STK32A: variants seen among roughly 807,000 people sequenced by gnomAD.
STK32A encodes serine/threonine-protein kinase 32A.
Under a neutral mutation model 53.2 loss-of-function variants are expected in STK32A, and 41 were observed. The observed-to-expected ratio is 0.77, with a 90% CI of 0.60 to 1.00. STK32A has a LOEUF of 1.00. Among genes scored for constraint, STK32A ranks in the 50% least tolerant of loss-of-function variants. STK32A has a pLI of 0.00. For synonymous variants in STK32A, 166 were observed against 162.8 expected (o/e 1.02, Z -0.15); for missense variants, 458 against 485.8 (o/e 0.94, Z 0.54).
intron 11 of STK32A, among the ~76,000 whole-genome samples, chr5:147,380,752 T>C (rs1446645481): frequency 1.3e-5 from 2 of 152,232 alleles, no homozygotes; most frequent in Non-Finnish European, 2.9e-5. Context: ...AAGAGAAAGA[T>C]ACTTAATCAA....
At chr5:147,334,999 G>T (rs73797655) in intron 5 of STK32A, among the ~76,000 whole-genome samples, 2,144 of 152,240 alleles carry the variant, frequency 0.014, 42 homozygotes, top group African/African-American at 0.049. Flanking sequence ...TTGATTCATA[G>T]AGTAAGAGAT....
At chr5:147,395,731 G>C in the STK32A span, 1 of 1,613,428 alleles carries the variant, frequency 6.2e-7, no homozygotes, top group Non-Finnish European at 8.5e-7. Context: ...TCTGCAGCCA[G>C]AGAAGAGCAT....
In STK32A at chr5:147,266,046, C is replaced by T. The variant is rs75465796; in HGVS notation, c.53-12078C>T. On this transcript the variant is annotated intron_variant, in intron 2 of 12. Transcript: ENST00000397936. ...TCTATCTCTATTCTGACCAGGTATA[C>T]GGTAGACTGTAATTTAATGTCAGCA... Among the ~76,000 whole-genome samples the T allele has an allele frequency of 5.4e-4, 82 of 152,248 alleles. 1 individual carries two copies. In the East Asian group the frequency reaches 0.015, roughly 28 times the overall value.
intron 4 of STK32A, among the ~76,000 whole-genome samples, chr5:147,284,985 G>A (rs1288139453): frequency 1.3e-5 from 2 of 152,090 alleles, no homozygotes; most frequent in Middle Eastern, 3.4e-3. Context: ...AAAAGAACCT[G>A]CATAGCCAAA....
At chr5:147,377,014 G>A (rs1405905433) in intron 11 of STK32A, among the ~76,000 whole-genome samples, 1 of 152,056 alleles carries the variant, frequency 6.6e-6, no homozygotes, top group Non-Finnish European at 1.5e-5. Flanking sequence ...TAACATATTA[G>A]CAAGGTGTTC....
At position 147,239,643 on chromosome 5, in the gene STK32A, G is replaced by A. The variant is rs4705132; in HGVS notation, c.9G>A (p.Ala3=). 50 of 1,606,256 alleles carry A rather than the reference G, an allele frequency of 3.1e-5. No homozygotes were observed. The highest frequency in any genetic ancestry group is 2.5e-4 in the Admixed American group (15 of 59,234). The change falls in exon 2 of 13, where the codon GCG becomes GCA. Residue 3 remains alanine, a synonymous_variant. Coordinates refer to ENST00000397936, the MANE Select transcript of STK32A (RefSeq NM_001112724.2). MG[A]NTSRKPPVFD... is the part of the protein sequence containing the mutation. Reference sequence around the variant, plus strand: ...TCTGGGCAGATTCAACCATGGGAGCGAACACTTCAAGAAAACCACCAGTGT... The same window carrying A: ...TCTGGGCAGATTCAACCATGGGAGCAAACACTTCAAGAAAACCACCAGTGT...
chr5:147,401,441 G>A, the STK32A span: 3 of 1,362,652 alleles, frequency 2.2e-6, no homozygotes, highest in African/African-American at 4.4e-5. Flanking sequence ...TGCAGACTCT[G>A]GTCAAGTTTA....
At chr5:147,266,498 C>T (rs1019788973) in intron 2 of STK32A, among the ~76,000 whole-genome samples, 10 of 152,074 alleles carry the variant, frequency 6.6e-5, no homozygotes, top group East Asian at 1.9e-4. Flanking sequence ...GAAAAATTTT[C>T]CCCAAATCCA....
chr5:147,280,934 G>C (rs1194461373), intron 4 of STK32A, among the ~76,000 whole-genome samples: 1 of 152,178 alleles, frequency 6.6e-6, no homozygotes, highest in Non-Finnish European at 1.5e-5. Context: ...ACAGCTGAGA[G>C]ACTCATAGAT....
intron 4 of STK32A, among the ~76,000 whole-genome samples, chr5:147,285,204 A>G (rs1298067461): frequency 2.0e-5 from 3 of 152,204 alleles, no homozygotes; most frequent in African/African-American, 7.2e-5. Flanking sequence ...AAGTGGGAAA[A>G]GGACACCCTT....
the STK32A span, among the ~76,000 whole-genome samples, chr5:147,398,073 T>C: frequency 6.6e-6 from 1 of 152,174 alleles, no homozygotes; most frequent in African/African-American, 2.4e-5. Flanking sequence ...AATAAGGTCC[T>C]CAAGTGGAAG....
chr5:147,380,772 C>T (rs567162112), intron 11 of STK32A, among the ~76,000 whole-genome samples: 1 of 152,276 alleles, frequency 6.6e-6, no homozygotes, highest in East Asian at 1.9e-4. Context: ...ACTCCAGTAC[C>T]ATTGTTGAGG....
At chr5:147,273,681 C>T (rs569581453) in intron 2 of STK32A, among the ~76,000 whole-genome samples, 25 of 152,178 alleles carry the variant, frequency 1.6e-4, no homozygotes, top group African/African-American at 5.1e-4. Context: ...TATTGGGTAC[C>T]CACACAAAGG....
chr5:147,370,842 T>C, intron 9 of STK32A, 72 bp downstream of exon 9: 1 of 958,130 alleles, frequency 1.0e-6, no homozygotes, highest in Admixed American at 1.8e-5. Context: ...GTTTAGAAGT[T>C]AGTATACAAT....
intron 4 of STK32A, among the ~76,000 whole-genome samples, chr5:147,294,667 G>A (rs28836559): frequency 0.21 from 32,096 of 150,498 alleles, 3,815 homozygotes; most frequent in African/African-American, 0.3. Context: ...CTTATATCTA[G>A]TCATTTTTTT....
At chr5:147,396,239 G>A in the STK32A span, among the ~76,000 whole-genome samples, 10 of 152,292 alleles carry the variant, frequency 6.6e-5, no homozygotes, top group Non-Finnish European at 1.2e-4. Context: ...GCCTTGAAGT[G>A]AGTGTCTGTG....
At chr5:147,313,480 T>C (rs1483458064) in intron 4 of STK32A, among the ~76,000 whole-genome samples, 3 of 152,334 alleles carry the variant, frequency 2.0e-5, no homozygotes, top group African/African-American at 7.2e-5. Flanking sequence ...AAAAAAGCAC[T>C]GTGGCCTCAA....
chr5:147,310,641 G>C (rs982476124), intron 4 of STK32A, among the ~76,000 whole-genome samples: 1 of 152,162 alleles, frequency 6.6e-6, no homozygotes, highest in African/African-American at 2.4e-5. Flanking sequence ...GATTGTCATG[G>C]AGCACAAAAA....
chr5:147,393,646 A>G, the STK32A span: 1 of 179,876 alleles, frequency 5.6e-6, no homozygotes, highest in Non-Finnish European at 1.1e-5. Context: ...GGCTCCCACC[A>G]CCCACTCACC....
Sources: allele counts gnomAD v4.1 joint callset (sites outside exome capture counted in the v4.1 genomes callset), GRCh38; gene constraint gnomAD v4.1.1; transcripts MANE v1.5; gene names NCBI Gene and HGNC (gene_info 2026-07-23, HGNC 2026-07-21).